Variants in THSD7B observed in about 807,000 individuals in gnomAD.
The protein encoded by THSD7B is thrombospondin type-1 domain-containing protein 7B.
In THSD7B, 138 loss-of-function variants were observed where a neutral mutation model predicts 213.6. That is an observed-to-expected ratio of 0.65 (90% confidence interval 0.56 to 0.74). The LOEUF is 0.74. Ranked by LOEUF, THSD7B falls within the 30% of genes least tolerant of loss-of-function variation. THSD7B has a pLI of 0.00. For missense variants in THSD7B, 1,931 were observed against 1,991.5 expected (o/e 0.97, Z 0.58); for synonymous variants, 742 against 687.0 (o/e 1.08, Z -1.25).
At chr2:137,182,192 G>A (rs1403324023) in intron 7 of THSD7B, among the ~76,000 whole-genome samples, 3 of 152,142 alleles carry the variant, frequency 2.0e-5, no homozygotes, top group East Asian at 1.9e-4. Context: ...AGGCATATGG[G>A]CATTTGTTTA....
At chr2:137,636,541 T>G (rs7603406) in intron 20 of THSD7B, among the ~76,000 whole-genome samples, 54,475 of 152,112 alleles carry the variant, frequency 0.36, 11,782 homozygotes, top group African/African-American at 0.61. Context: ...AAACCCACTT[T>G]CATTCTTTTA....
At chr2:137,248,120 T>A (rs1031132011) in intron 10 of THSD7B, among the ~76,000 whole-genome samples, 2 of 152,328 alleles carry the variant, frequency 1.3e-5, no homozygotes, top group East Asian at 3.9e-4. Context: ...TCTCCATAGG[T>A]GACTCTTACT....
chr2:137,157,203 G>T (rs1289859482), intron 5 of THSD7B, among the ~76,000 whole-genome samples: 1 of 152,182 alleles, frequency 6.6e-6, no homozygotes, highest in African/African-American at 2.4e-5. Context: ...ATATGAAGCA[G>T]ATTTATTACT....
At chr2:136,935,114 A>G (rs931701049) in intron 2 of THSD7B, among the ~76,000 whole-genome samples, 3 of 152,208 alleles carry the variant, frequency 2.0e-5, no homozygotes. Context: ...TCATATTCAG[A>G]CTTAACAGCA....
At chr2:137,603,594 A>G (rs1558856534) in intron 17 of THSD7B, among the ~76,000 whole-genome samples, 1 of 152,186 alleles carries the variant, frequency 6.6e-6, no homozygotes, top group Non-Finnish European at 1.5e-5. Flanking sequence ...AGCAAGTATA[A>G]AAAGATAGCA....
chr2:137,422,114 G>A (rs1686942063), intron 14 of THSD7B, among the ~76,000 whole-genome samples: 1 of 152,200 alleles, frequency 6.6e-6, no homozygotes, highest in Non-Finnish European at 1.5e-5. Flanking sequence ...AGCATTCGCA[G>A]AGTGTTATTT....
chr2:137,440,039 A>C (rs1347539150), intron 14 of THSD7B, among the ~76,000 whole-genome samples: 1 of 152,048 alleles, frequency 6.6e-6, no homozygotes, highest in Non-Finnish European at 1.5e-5. Context: ...CTAGATATTC[A>C]TGTTCTAGTT....
At chr2:137,312,183 C>A (rs949254443) in intron 12 of THSD7B, among the ~76,000 whole-genome samples, 24 of 152,124 alleles carry the variant, frequency 1.6e-4, no homozygotes, top group African/African-American at 2.9e-4. Flanking sequence ...ACAATTTCAG[C>A]TCCTGTTATT....
At chr2:137,158,230 A>C (rs1207789129) in intron 5 of THSD7B, among the ~76,000 whole-genome samples, 1 of 152,144 alleles carries the variant, frequency 6.6e-6, no homozygotes, top group African/African-American at 2.4e-5. Flanking sequence ...TGAATCACAA[A>C]CCCCTTCCCC....
Position 137,081,299 on chromosome 2 carries a change from A to G in THSD7B, c.951-13574A>G, listed in dbSNP as rs184455263. 1.6e-4 allele frequency among the ~76,000 whole-genome samples: 24 copies of G among 152,148 alleles called. No individual in the cohort carries two copies. The East Asian group carries it at 4.1e-3, about 26-fold the overall frequency. On this transcript the variant is annotated intron_variant, in intron 3 of 27. Transcript: ENST00000409968. ...GAATTTTAAACATTATTTTGGTCAG[A>G]TGTTTTAATTTTCTTCATATAAAAT...
At chr2:136,974,958 A>T (rs1685456510) in intron 2 of THSD7B, among the ~76,000 whole-genome samples, 1 of 150,872 alleles carries the variant, frequency 6.6e-6, no homozygotes, top group Admixed American at 6.6e-5. Context: ...AGTGATGTTG[A>T]GGTTTTTTCA....
chr2:136,856,781 G>A (rs1175640165), intron 1 of THSD7B, among the ~76,000 whole-genome samples: 3 of 152,142 alleles, frequency 2.0e-5, no homozygotes, highest in Non-Finnish European at 4.4e-5. Flanking sequence ...CTCACAAAGT[G>A]CTAGGATTAC....
intron 1 of THSD7B, among the ~76,000 whole-genome samples, chr2:136,810,807 T>C (rs1271436902): frequency 2.0e-5 from 3 of 152,220 alleles, no homozygotes; most frequent in Non-Finnish European, 4.4e-5. Flanking sequence ...CCCAACTTGC[T>C]TGAAAGGTAA....
At chr2:137,526,580 T>C (rs1680284567) in intron 15 of THSD7B, among the ~76,000 whole-genome samples, 2 of 151,894 alleles carry the variant, frequency 1.3e-5, no homozygotes, top group African/African-American at 4.8e-5. Flanking sequence ...TACCACCACA[T>C]CCCACTAACT....
chr2:137,148,594 T>C (rs748863251), intron 5 of THSD7B, among the ~76,000 whole-genome samples: 58 of 152,134 alleles, frequency 3.8e-4, no homozygotes, highest in Non-Finnish European at 1.3e-4. Context: ...ACCAAAATGC[T>C]AATAAGGATA....
chr2:137,625,711 T>C (rs911875276), intron 20 of THSD7B, among the ~76,000 whole-genome samples: 2 of 152,178 alleles, frequency 1.3e-5, no homozygotes, highest in African/African-American at 2.4e-5. Flanking sequence ...TGAATGCCTA[T>C]GGCTTTTTCA....
intron 5 of THSD7B, among the ~76,000 whole-genome samples, chr2:137,151,776 C>T (rs534352635): frequency 6.6e-6 from 1 of 152,280 alleles, no homozygotes; most frequent in East Asian, 1.9e-4. Flanking sequence ...TTTATACCAG[C>T]ATCGCCACAA....
At chr2:137,408,909 T>C (rs1253895574) in intron 13 of THSD7B, among the ~76,000 whole-genome samples, 1 of 152,020 alleles carries the variant, frequency 6.6e-6, no homozygotes. Flanking sequence ...CTAAGGAAGG[T>C]GGGTAGAAAT....
At chr2:137,331,279 C>T (rs1327480587) in intron 12 of THSD7B, among the ~76,000 whole-genome samples, 1 of 150,490 alleles carries the variant, frequency 6.6e-6, no homozygotes, top group Non-Finnish European at 1.5e-5. Flanking sequence ...TCGATTGGTG[C>T]ACTCACAAAC....
Sources: gnomAD v4.1 joint callset for allele counts (sites outside exome capture counted in the v4.1 genomes callset) on GRCh38, gnomAD v4.1.1 for gene constraint, MANE v1.5 for transcripts, NCBI Gene and HGNC (gene_info 2026-07-23, HGNC 2026-07-21) for gene names.